STAU2: variants seen among roughly 807,000 people sequenced by gnomAD.
STAU2 encodes the protein double-stranded RNA-binding protein Staufen homolog 2.
In STAU2, 20 loss-of-function variants were observed where a neutral mutation model predicts 65.9. The ratio of observed to expected loss-of-function variants is 0.30; its 90% confidence interval spans 0.21 to 0.44. The LOEUF is 0.44. STAU2 is among the 20% of genes least tolerant of loss of function. STAU2 has a pLI of 1.00. For missense variants in STAU2, 558 were observed against 683.9 expected (o/e 0.82, Z 2.05); for synonymous variants, 232 against 233.9 (o/e 0.99, Z 0.07).
intron 13 of STAU2, among the ~76,000 whole-genome samples, chr8:73,541,528 A>G (rs1806543051): frequency 6.6e-6 from 1 of 152,154 alleles, no homozygotes; most frequent in Non-Finnish European, 1.5e-5. Context: ...CACAATGTCC[A>G]TTTTTCAAAC....
In STAU2 at chr8:73,634,695, C is replaced by T. The variant is rs1234319238; in HGVS notation, c.411-17244G>A. ...ACTCTTCTCTAGCCACACTAGTCTC[C>T]TTTCTGCTCCTCAAACTCACCATAT... On this transcript the variant is annotated intron_variant, in intron 6 of 14. Transcript: ENST00000524300. Among the ~76,000 whole-genome samples the T allele has an allele frequency of 2.6e-5, 4 of 152,152 alleles. No homozygotes were observed. The East Asian group carries it at 7.7e-4, about 29-fold the overall frequency.
chr8:73,641,987 A>G (rs1303705871), intron 6 of STAU2, among the ~76,000 whole-genome samples: 1 of 152,190 alleles, frequency 6.6e-6, no homozygotes, highest in African/African-American at 2.4e-5. Context: ...CCTCTACTAG[A>G]GCACTTATCT....
intron 10 of STAU2, among the ~76,000 whole-genome samples, chr8:73,598,267 A>C (rs1026656836): frequency 1.4e-5 from 2 of 141,962 alleles, no homozygotes; most frequent in African/African-American, 5.3e-5. Flanking sequence ...TCACTCTGTC[A>C]CCCAGGCTGG....
At chr8:73,705,498 C>G (rs1221244757) in intron 4 of STAU2, among the ~76,000 whole-genome samples, 1 of 152,074 alleles carries the variant, frequency 6.6e-6, no homozygotes, top group Non-Finnish European at 1.5e-5. Context: ...AAGAAAATAC[C>G]ATTTTATGTT....
At chr8:73,597,339 C>A (rs1170997773) in intron 10 of STAU2, among the ~76,000 whole-genome samples, 4 of 151,842 alleles carry the variant, frequency 2.6e-5, no homozygotes, top group Non-Finnish European at 1.5e-5. Context: ...ACCATCACTT[C>A]TGTAGCATTA....
chr8:73,718,852 G>C (rs757608342), intron 3 of STAU2, among the ~76,000 whole-genome samples: 1 of 152,062 alleles, frequency 6.6e-6, no homozygotes, highest in Non-Finnish European at 1.5e-5. Context: ...CTAATGTATA[G>C]AAACACAATT....
intron 13 of STAU2, among the ~76,000 whole-genome samples, chr8:73,502,896 G>A (rs925505582): frequency 6.6e-6 from 1 of 151,864 alleles, no homozygotes; most frequent in African/African-American, 2.4e-5. Context: ...ATTCAATAAA[G>A]GTTTATTGAA....
At position 73,581,908 on chromosome 8, in the gene STAU2, C is replaced by T. The variant is rs748538277; in HGVS notation, c.1222+862G>A. ...TATCAAAGACTAAAACCATGGATTACGATAATTTACAGATTTAAGCTTTTT... is the reference window on the plus strand; with the variant it reads ...TATCAAAGACTAAAACCATGGATTATGATAATTTACAGATTTAAGCTTTTT... On this transcript the variant is annotated intron_variant, in intron 12 of 14. Transcript: ENST00000524300. Among the ~76,000 whole-genome samples, 44 of 152,012 alleles carry T rather than the reference C, an allele frequency of 2.9e-4. 1 individual carries two copies. The highest frequency in any genetic ancestry group is 3.2e-3 in the Middle Eastern group (1 of 316).
intron 13 of STAU2, among the ~76,000 whole-genome samples, chr8:73,491,505 C>G (rs995837588): frequency 6.6e-6 from 1 of 151,998 alleles, no homozygotes; most frequent in East Asian, 1.9e-4. Context: ...AGACTTTGCT[C>G]TGGGATTTAT....
chr8:73,471,799 CA>C (rs1306425126), intron 13 of STAU2, among the ~76,000 whole-genome samples: 2 of 84,810 alleles, frequency 2.4e-5, no homozygotes, highest in African/African-American at 8.8e-5. Context: ...GCCTGGGCAA[CA>C]AGGGCGAGAC....
chr8:73,687,901 A>G (rs1229635984), intron 5 of STAU2, among the ~76,000 whole-genome samples: 1 of 151,522 alleles, frequency 6.6e-6, no homozygotes, highest in Non-Finnish European at 1.5e-5. Flanking sequence ...TTTTTAGTAG[A>G]GACAGGGTTT....
intron 5 of STAU2, among the ~76,000 whole-genome samples, chr8:73,674,348 A>T (rs907845218): frequency 6.6e-6 from 1 of 151,924 alleles, no homozygotes; most frequent in African/African-American, 2.4e-5. Context: ...CAAAAGACTT[A>T]AAAAACTGTA....
intron 1 of STAU2, 140 bp from the exon 2 acceptor site, chr8:73,740,008 T>C (rs1006430381): frequency 5.4e-6 from 3 of 557,572 alleles, no homozygotes; most frequent in Non-Finnish European, 6.3e-6. Flanking sequence ...GAGAGGCCCA[T>C]ATGGCAAAGA....
rs1262168803 is a variant in STAU2 at position 73,738,284 on chromosome 8, C to T, written c.-18G>A. 6.2e-7 allele frequency: 1 copy of T among 1,611,388 alleles called. No individual in the cohort carries two copies. The highest frequency in any genetic ancestry group is 1.7e-5 in the Admixed American group (1 of 59,466). The stretch of plus-strand genomic sequence containing the variant: ...GAAAAATGCCTTAACACAAACTCAC[C>T]TGATTTATTTGAAGCATGTTAAGAC... On this transcript the variant is annotated splice_region_variant and 5_prime_UTR_variant, in exon 3 of 15. Coordinates refer to ENST00000524300, the MANE Select transcript of STAU2 (RefSeq NM_001164380.2).
At chr8:73,637,494 A>G (rs906947851) in intron 6 of STAU2, among the ~76,000 whole-genome samples, 7 of 142,656 alleles carry the variant, frequency 4.9e-5, no homozygotes, top group South Asian at 2.2e-4. Context: ...AAAAAAAAAA[A>G]AAAAAAAAAA....
intron 13 of STAU2, among the ~76,000 whole-genome samples, chr8:73,473,399 T>C (rs891877295): frequency 2.6e-5 from 4 of 152,220 alleles, no homozygotes; most frequent in African/African-American, 9.7e-5. Context: ...CACAGCAGAA[T>C]GGCTGTGCAA....
At chr8:73,476,480 T>G (rs1585836748) in intron 13 of STAU2, among the ~76,000 whole-genome samples, 1 of 152,312 alleles carries the variant, frequency 6.6e-6, no homozygotes, top group South Asian at 2.1e-4. Context: ...ATTTTTCAAC[T>G]GCCTTACTTT....
intron 4 of STAU2, among the ~76,000 whole-genome samples, chr8:73,693,417 G>A (rs1819491518): frequency 6.7e-6 from 1 of 150,026 alleles, no homozygotes; most frequent in Non-Finnish European, 1.5e-5. Flanking sequence ...GGAGCTTGCA[G>A]TGAGCCAAGA....
chr8:73,727,338 C>A (rs1252643771), intron 3 of STAU2, among the ~76,000 whole-genome samples: 2 of 152,202 alleles, frequency 1.3e-5, no homozygotes, highest in Non-Finnish European at 2.9e-5. Flanking sequence ...TGTTATGACC[C>A]CAAAAGGGAA....
Sources: allele counts gnomAD v4.1 joint callset (sites outside exome capture counted in the v4.1 genomes callset), GRCh38; gene constraint gnomAD v4.1.1; transcripts MANE v1.5; gene names NCBI Gene and HGNC (gene_info 2026-07-23, HGNC 2026-07-21).